The following TENM2 variants were observed in gnomAD, a reference collection of about 807,000 sequenced individuals.
TENM2 encodes teneurin transmembrane protein 2.
In TENM2, 52 loss-of-function variants were observed where a neutral mutation model predicts 245.2. The ratio of observed to expected loss-of-function variants is 0.21; its 90% confidence interval spans 0.17 to 0.27. The LOEUF is 0.27. TENM2 is among the 10% of genes least tolerant of loss of function. The pLI is 1.00. For synonymous variants in TENM2, 1,363 were observed against 1,438.9 expected, an observed-to-expected ratio of 0.95 and a Z score of 1.19; for missense variants, 3,046 against 3,666.8, an observed-to-expected ratio of 0.83 and a Z score of 4.37.
intron 25 of TENM2, among the ~76,000 whole-genome samples, chr5:168,234,967 A>G (rs1765293145): frequency 6.6e-6 from 1 of 152,184 alleles, no homozygotes; most frequent in African/African-American, 2.4e-5. Flanking sequence ...TGACATTGCA[A>G]TTACGTGTTG....
intron 2 of TENM2, among the ~76,000 whole-genome samples, chr5:167,857,772 C>T (rs1309447319): frequency 6.6e-6 from 1 of 152,008 alleles, no homozygotes; most frequent in African/African-American, 2.4e-5. Context: ...ATTTATAGTC[C>T]ATTTATATCA....
At chr5:168,127,410 T>C (rs1004880621) in intron 12 of TENM2, among the ~76,000 whole-genome samples, 2 of 152,146 alleles carry the variant, frequency 1.3e-5, no homozygotes, top group African/African-American at 4.8e-5. Flanking sequence ...TCAGGTTCCC[T>C]CCGTAGCAGG....
intron 2 of TENM2, among the ~76,000 whole-genome samples, chr5:167,648,661 T>C (rs1424868721): frequency 2.6e-5 from 4 of 152,204 alleles, no homozygotes; most frequent in Admixed American, 6.5e-5. Flanking sequence ...GTCGGATGGA[T>C]GTCTGTCTGA....
In TENM2 at chr5:167,391,175, A is replaced by T. The variant is rs114050893; in HGVS notation, c.502+15702A>T. 3.0e-3 allele frequency among the ~76,000 whole-genome samples: 455 copies of T among 152,038 alleles called. 2 individuals are homozygous for T. The highest frequency in any genetic ancestry group is 0.01 in the African/African-American group (433 of 41,480). On this transcript the variant is annotated intron_variant, in intron 2 of 28. Transcript: ENST00000518659. ...ACAGGTGTACTCCCACTCCTTTGAAATTTTTTTTAACATTTTATTTATCCA... is the reference window on the plus strand; with the variant it reads ...ACAGGTGTACTCCCACTCCTTTGAATTTTTTTTTAACATTTTATTTATCCA...
At chr5:168,179,532 C>T (rs1759670378) in intron 13 of TENM2, among the ~76,000 whole-genome samples, 1 of 152,338 alleles carries the variant, frequency 6.6e-6, no homozygotes, top group East Asian at 1.9e-4. Context: ...AATGGTTACT[C>T]TCACTAACTG....
chr5:167,992,940 G>T lies in TENM2; in HGVS notation c.948-4G>T, dbSNP rs756719812. The T allele has an allele frequency of 1.2e-6, 2 of 1,612,540 alleles. No individual in the cohort carries two copies. Among genetic ancestry groups the T allele is most frequent in the Non-Finnish European group, 1.7e-6 (2 of 1,178,712 alleles). On this transcript the variant is annotated splice_region_variant and splice_polypyrimidine_tract_variant and intron_variant, in intron 4 of 28. Coordinates refer to ENST00000518659, the Ensembl canonical transcript of TENM2. ...CACTCTGACTCTTTCCCTTTTCCTGGCAGGCACTTCCTCTTCAAGACCTCC... is the reference window on the plus strand; with the variant it reads ...CACTCTGACTCTTTCCCTTTTCCTGTCAGGCACTTCCTCTTCAAGACCTCC...
At chr5:167,432,571 A>G (rs1224838730) in intron 2 of TENM2, among the ~76,000 whole-genome samples, 4 of 151,988 alleles carry the variant, frequency 2.6e-5, no homozygotes, top group Non-Finnish European at 5.9e-5. Flanking sequence ...ATAAGTAAGC[A>G]TATACCAAAC....
intron 5 of TENM2, among the ~76,000 whole-genome samples, chr5:167,994,176 A>G (rs1783879523): frequency 1.3e-5 from 2 of 152,388 alleles, no homozygotes; most frequent in East Asian, 1.9e-4. Flanking sequence ...CAGGGCAGCT[A>G]TGAGAGACCT....
At chr5:167,156,914 A>T in the TENM2 span, among the ~76,000 whole-genome samples, 1 of 152,218 alleles carries the variant, frequency 6.6e-6, no homozygotes, top group African/African-American at 2.4e-5. Flanking sequence ...ACCAAGGGAG[A>T]GAAGAAGTGG....
At chr5:167,224,871 T>C in the TENM2 span, among the ~76,000 whole-genome samples, 2 of 152,166 alleles carry the variant, frequency 1.3e-5, no homozygotes, top group East Asian at 3.9e-4. Context: ...TCCTCTTCAA[T>C]TTATTTCATC....
At chr5:167,003,312 TCATTAAAACGTCC>T in the TENM2 span, among the ~76,000 whole-genome samples, 2 of 152,174 alleles carry the variant, frequency 1.3e-5, no homozygotes, top group Non-Finnish European at 2.9e-5. Flanking sequence ...ACCTATCATC[TCATTAAAACGTCC>T]CTACAAATAA....
the TENM2 span, among the ~76,000 whole-genome samples, chr5:166,994,316 C>G: frequency 6.6e-6 from 1 of 152,200 alleles, no homozygotes; most frequent in Non-Finnish European, 1.5e-5. Flanking sequence ...GGGCGATCAT[C>G]TTAGCTTCCT....
At chr5:167,706,781 G>A (rs560466517) in intron 2 of TENM2, among the ~76,000 whole-genome samples, 95 of 151,666 alleles carry the variant, frequency 6.3e-4, no homozygotes, top group Non-Finnish European at 1.3e-3. Flanking sequence ...TTGGGAGGCC[G>A]AGGCGGGTGG....
At chr5:167,143,671 A>G in the TENM2 span, among the ~76,000 whole-genome samples, 1 of 152,194 alleles carries the variant, frequency 6.6e-6, no homozygotes, top group African/African-American at 2.4e-5. Flanking sequence ...GACATTTTGC[A>G]AATAGTTTTT....
At chr5:167,015,910 C>G in the TENM2 span, among the ~76,000 whole-genome samples, 20 of 152,076 alleles carry the variant, frequency 1.3e-4, no homozygotes, top group African/African-American at 4.3e-4. Flanking sequence ...CTTTTCTGCC[C>G]TGAGTAATCC....
At chr5:167,038,109 G>A in the TENM2 span, among the ~76,000 whole-genome samples, 1 of 152,220 alleles carries the variant, frequency 6.6e-6, no homozygotes, top group African/African-American at 2.4e-5. Context: ...GACCTTCTTA[G>A]TTTCAGTCAG....
Position 168,004,399 on chromosome 5 carries a change from A to G in TENM2, c.1186+11217A>G, listed in dbSNP as rs551976878. On this transcript the variant is annotated intron_variant, in intron 5 of 28. Coordinates refer to ENST00000518659, the Ensembl canonical transcript of TENM2. ...CCCAGTGGAACAGGGTCTGGTCTAG[A>G]CCAGGACATAGATATGCTGAGGCCA... Among the ~76,000 whole-genome samples the G allele has an allele frequency of 1.9e-4, 29 of 152,248 alleles. No individual in the cohort carries two copies. In the East Asian group the frequency reaches 5.6e-3, roughly 29 times the overall value.
chr5:167,445,358 G>GAC (rs1765130840), intron 2 of TENM2, among the ~76,000 whole-genome samples: 1 of 137,590 alleles, frequency 7.3e-6, no homozygotes, highest in Admixed American at 7.4e-5. Context: ...GAGAGAGAGA[G>GAC]AGAGAGAGAG....
intron 2 of TENM2, among the ~76,000 whole-genome samples, chr5:167,758,779 A>G (rs1355640834): frequency 6.6e-6 from 1 of 152,056 alleles, no homozygotes; most frequent in East Asian, 1.9e-4. Flanking sequence ...ATTTCCAGAA[A>G]CCTTGACCAC....
Sources: allele counts gnomAD v4.1 joint callset (sites outside exome capture counted in the v4.1 genomes callset), GRCh38; gene constraint gnomAD v4.1.1; transcripts MANE v1.5; gene names NCBI Gene and HGNC (gene_info 2026-07-23, HGNC 2026-07-21).